CACNA1E: variants seen among roughly 807,000 people sequenced by gnomAD.
The protein encoded by CACNA1E is voltage-dependent R-type calcium channel subunit alpha-1E.
Under a neutral mutation model 259.2 loss-of-function variants are expected in CACNA1E, and 40 were observed. That is an observed-to-expected ratio of 0.15 (90% CI 0.12 to 0.20). The LOEUF (loss-of-function observed/expected upper bound fraction) is 0.20. CACNA1E is among the 10% of genes least tolerant of loss of function. The probability of loss-of-function intolerance (pLI) is 1.00; values close to 1 mark genes in which losing one functional copy is unlikely to be tolerated. For synonymous variants in CACNA1E, 1,104 were observed against 1,138.5 expected (o/e 0.97, Z 0.61); for missense variants, 1,874 against 3,040.1 (o/e 0.62, Z 9.02).
Position 181,373,540 on chromosome 1 carries a change from T to TC in CACNA1E, c.-14-39593_-14-39592insC, listed in dbSNP as rs536426873. ...GTTCTCTCTTTTTCTTTTCTTTCTT[T>TC]TTTTTTTTTTTTTTTGAGACGGAGA... On this transcript the variant is annotated intron_variant, in intron 1 of 11. Transcript: ENST00000524607. Among the ~76,000 whole-genome samples the TC allele has an allele frequency of 3.5e-3, 501 of 144,318 alleles. 4 individuals are homozygous for TC. The highest frequency in any genetic ancestry group is 4.4e-3 in the Admixed American group (64 of 14,588). 94.7% of individuals were successfully genotyped at this position (144,318 alleles called of 152,430 possible). A position where few individuals can be genotyped will look rare whatever the true frequency, so the allele number is the denominator to read the frequency against.
chr1:181,416,953 C>T (rs892937668), intron 2 of CACNA1E, among the ~76,000 whole-genome samples: 1 of 152,052 alleles, frequency 6.6e-6, no homozygotes, highest in African/African-American at 2.4e-5. Flanking sequence ...CCTTCCTGCA[C>T]CCTGACCTCT....
At chr1:181,534,177 G>A (rs1184032377) in intron 3 of CACNA1E, among the ~76,000 whole-genome samples, 1 of 152,022 alleles carries the variant, frequency 6.6e-6, no homozygotes, top group Non-Finnish European at 1.5e-5. Flanking sequence ...TAATGTTATG[G>A]TGAATACTCT....
chr1:181,792,689 G>T (rs1405253569), intron 44 of CACNA1E, among the ~76,000 whole-genome samples: 1 of 151,864 alleles, frequency 6.6e-6, no homozygotes, highest in East Asian at 1.9e-4. Flanking sequence ...TGTTTTTAGG[G>T]TGTCATTTCC....
chr1:181,353,103 A>G (rs1214387245), intron 1 of CACNA1E, among the ~76,000 whole-genome samples: 2 of 152,166 alleles, frequency 1.3e-5, no homozygotes, highest in Non-Finnish European at 2.9e-5. Flanking sequence ...TTGCCCACAC[A>G]TATTGGGAAT....
At chr1:181,436,090 A>G (rs973854566) in intron 2 of CACNA1E, among the ~76,000 whole-genome samples, 1 of 152,232 alleles carries the variant, frequency 6.6e-6, no homozygotes, top group Non-Finnish European at 1.5e-5. Flanking sequence ...AAGAAGACAC[A>G]CAGATGGCCA....
chr1:181,720,832 G>A lies in CACNA1E; in HGVS notation c.1933G>A (p.Ala645Thr). The A allele has an allele frequency of 6.2e-7, 1 of 1,611,926 alleles. No homozygotes were observed. ...TPSANFDTFPAAIMTVFQILT... is the reference protein window; with the variant it reads ...TPSANFDTFPTAIMTVFQILT... ...TTCGGCAAATTTTGATACCTTCCCTGCAGCCATCATGACTGTGTTCCAGGT... is the reference window on the plus strand; with the variant it reads ...TTCGGCAAATTTTGATACCTTCCCTACAGCCATCATGACTGTGTTCCAGGT... Residue 645 changes from alanine to threonine, a missense_variant, in exon 15 of 48, where the codon GCA (alanine) becomes ACA (threonine). Ala to Thr is a moderately conservative substitution (Grantham distance 58). Around this residue, in one of 14 missense-constraint regions of CACNA1E, gnomAD observed 102 missense variants for 279.4 expected, o/e 0.37. Transcript: ENST00000367573.
intron 44 of CACNA1E, among the ~76,000 whole-genome samples, chr1:181,791,324 T>G (rs1661284123): frequency 6.6e-6 from 1 of 151,966 alleles, no homozygotes; most frequent in African/African-American, 2.4e-5. Flanking sequence ...ACAAAAAAAA[T>G]TATCCAGGCT....
intron 6 of CACNA1E, among the ~76,000 whole-genome samples, chr1:181,604,339 T>A (rs1654029611): frequency 6.6e-6 from 1 of 152,156 alleles, no homozygotes; most frequent in East Asian, 1.9e-4. Context: ...CCGGGTTCAA[T>A]ATAACACATA....
At chr1:181,428,472 C>T (rs1243004321) in intron 2 of CACNA1E, among the ~76,000 whole-genome samples, 5 of 152,184 alleles carry the variant, frequency 3.3e-5, no homozygotes, top group African/African-American at 4.8e-5. Flanking sequence ...GGTGGAGGGG[C>T]GCTTGCAAGA....
intron 1 of CACNA1E, among the ~76,000 whole-genome samples, chr1:181,321,917 A>G (rs1046921674): frequency 6.6e-6 from 1 of 152,224 alleles, no homozygotes; most frequent in African/African-American, 2.4e-5. Flanking sequence ...TAGCTTCAGC[A>G]GTCCCACAAT....
At chr1:181,340,574 C>T (rs1436126949) in intron 1 of CACNA1E, among the ~76,000 whole-genome samples, 1 of 152,054 alleles carries the variant, frequency 6.6e-6, no homozygotes, top group African/African-American at 2.4e-5. Flanking sequence ...TGTTCAAGTT[C>T]TTCTTTTGTG....
At chr1:181,742,883 A>G (rs532911007) in intron 25 of CACNA1E, among the ~76,000 whole-genome samples, 125 of 152,330 alleles carry the variant, frequency 8.2e-4, no homozygotes, top group African/African-American at 2.9e-3. Flanking sequence ...AAATTCCATT[A>G]GGGAACTTTA....
chr1:181,535,704 T>C (rs1355738305), intron 3 of CACNA1E, among the ~76,000 whole-genome samples: 1 of 149,810 alleles, frequency 6.7e-6, no homozygotes, highest in Non-Finnish European at 1.5e-5. Flanking sequence ...TTTTTTTTTT[T>C]CGAGACAGAT....
rs764384801 is a variant in CACNA1E at position 181,790,464 on chromosome 1, C to T, written c.5806C>T (p.Pro1936Ser). The T allele has an allele frequency of 6.2e-7, 1 of 1,611,694 alleles. No individual in the cohort carries two copies. Among genetic ancestry groups the T allele is most frequent in the Non-Finnish European group, 8.5e-7 (1 of 1,177,890 alleles). The change falls in exon 44 of 48, where the codon CCT becomes TCT. Residue 1936 changes from proline to serine, a missense_variant. Physicochemically the swap from Pro to Ser is moderately conservative, Grantham distance 74. This residue lies in a region of CACNA1E where 542 missense variants were observed against 587.2 expected (regional missense o/e 0.92). Coordinates refer to ENST00000367573, the MANE Select transcript of CACNA1E (RefSeq NM_001205293.3). ...VSGLSGRSGY[P>S]SMSPLSPQDI... ...TTTCAGGAGTGGCCGGAGTGGATAC[C>T]CTTCGATGAGTCCACTCTCTCCCCA...
At chr1:181,330,527 A>G (rs1250690758) in intron 1 of CACNA1E, among the ~76,000 whole-genome samples, 3 of 152,202 alleles carry the variant, frequency 2.0e-5, no homozygotes, top group Admixed American at 6.5e-5. Context: ...TGTGGCTGCC[A>G]CAACTCCGAC....
intron 7 of CACNA1E, among the ~76,000 whole-genome samples, chr1:181,673,854 A>G (rs929412146): frequency 6.6e-6 from 1 of 151,946 alleles, no homozygotes; most frequent in Non-Finnish European, 1.5e-5. Flanking sequence ...TCTCCTCAAT[A>G]TAACCACCAT....
At chr1:181,478,524 G>A (rs1255578947), upstream of CACNA1E, among the ~76,000 whole-genome samples, 2 of 152,224 alleles carry the variant, frequency 1.3e-5, no homozygotes, top group African/African-American at 4.8e-5. Context: ...TCTGCATTAT[G>A]TTCCTTAGAG....
At chr1:181,648,668 G>T (rs1658498737) in intron 6 of CACNA1E, among the ~76,000 whole-genome samples, 1 of 152,228 alleles carries the variant, frequency 6.6e-6, no homozygotes, top group Non-Finnish European at 1.5e-5. Flanking sequence ...TGAGAACAAT[G>T]TAATTTTGGA....
rs2102583568 is a variant in CACNA1E at position 181,737,548 on chromosome 1, T to C, written c.3446T>C (p.Ile1149Thr). The change falls in exon 23 of 48, where the codon ATC becomes ACC. Residue 1149 changes from isoleucine (I) to threonine (T), a missense_variant. Ile to Thr is a moderately conservative substitution (Grantham distance 89). Coordinates refer to ENST00000367573, the MANE Select transcript of CACNA1E (RefSeq NM_001205293.3). ...AGGATCCGGAGGGCCTGCCACTACA[T>C]CGTGAACCTGCGCTACTTTGAGATG... Reference protein sequence around the residue: ...TNPIRRACHYIVNLRYFEMCI... With the variant: ...TNPIRRACHYTVNLRYFEMCI... 6.2e-7 allele frequency: 1 copy of C among 1,613,968 alleles called. No individual in the cohort carries two copies. Among genetic ancestry groups the C allele is most frequent in the East Asian group, 2.2e-5 (1 of 44,882 alleles).
Sources: allele counts gnomAD v4.1 joint callset (sites outside exome capture counted in the v4.1 genomes callset), GRCh38; gene constraint gnomAD v4.1.1; regional missense constraint gnomAD v4.1.1; transcripts MANE v1.5; gene names NCBI Gene and HGNC (gene_info 2026-07-23, HGNC 2026-07-21).